The following PITPNM3 variants were observed in gnomAD, a reference collection of about 807,000 sequenced individuals.
PITPNM3 encodes the protein PITPNM family member 3.
PITPNM3 carries 26 observed loss-of-function variants against 102.0 expected under a neutral mutation model. The observed-to-expected ratio is 0.25, with a 90% CI of 0.19 to 0.35. The LOEUF (loss-of-function observed/expected upper bound fraction) is 0.35, where lower values mean the gene tolerates loss of function less well. Among genes scored for constraint, PITPNM3 ranks in the 10% least tolerant of loss-of-function variants. PITPNM3 has a pLI of 1.00. For synonymous variants in PITPNM3, 578 were observed against 558.6 expected (o/e 1.03, Z -0.49); for missense variants, 1,083 against 1,346.1 (o/e 0.80, Z 3.06).
chr17:6,523,634 T>C (rs958298005), intron 3 of PITPNM3, among the ~76,000 whole-genome samples: 1 of 152,224 alleles, frequency 6.6e-6, no homozygotes, highest in Admixed American at 6.5e-5. Context: ...TATTTGTCTT[T>C]TCAAGGCTAC....
rs1361924807 is a variant in PITPNM3 at position 6,452,133 on chromosome 17, AT to A, written c.*3204del. 7 of 152,140 alleles carry A rather than the reference AT, an allele frequency of 4.6e-5. No homozygotes were observed. The highest frequency in any genetic ancestry group is 1.4e-4 in the African/African-American group (6 of 41,400). The allele number at this position is 152,140 out of a possible 1,614,324, so 9.4% of individuals were successfully genotyped here. On this transcript the variant is annotated 3_prime_UTR_variant, in exon 20 of 20. Coordinates refer to ENST00000262483, the MANE Select transcript of PITPNM3 (RefSeq NM_031220.4). Reference sequence around the variant, plus strand: ...CTCTGGAATACTGGGATTCAAACACATTTGTTTGCTGTAGCCCAGCACCCAG... The same window carrying A: ...CTCTGGAATACTGGGATTCAAACACATTGTTTGCTGTAGCCCAGCACCCAG...
At chr17:6,520,488 G>A (rs1908445973) in intron 3 of PITPNM3, among the ~76,000 whole-genome samples, 1 of 152,204 alleles carries the variant, frequency 6.6e-6, no homozygotes, top group African/African-American at 2.4e-5. Context: ...AGCTCTCCAA[G>A]ATCTTCTGTT....
At chr17:6,496,486 ACCTCAGTGT>A (rs1906830625) in intron 4 of PITPNM3, among the ~76,000 whole-genome samples, 1 of 151,628 alleles carries the variant, frequency 6.6e-6, no homozygotes, top group Non-Finnish European at 1.5e-5. Flanking sequence ...TCCCACAGGA[ACCTCAGTGT>A]TCCTTCCTTC....
intron 3 of PITPNM3, among the ~76,000 whole-genome samples, chr17:6,522,217 G>C (rs1421494663): frequency 1.3e-5 from 2 of 151,818 alleles, no homozygotes; most frequent in African/African-American, 2.4e-5. Context: ...GAAAAGAGAG[G>C]TATGTGTGAC....
At position 6,518,422 on chromosome 17, in the gene PITPNM3, T is replaced by C. The variant is rs181907868; in HGVS notation, c.226+6934A>G. ...CCAAAAAAGCTTACTTTTATAAATT[T>C]TACCAAAAAAAGGTAATGGGTAAAA... On this transcript the variant is annotated intron_variant, in intron 3 of 19. Transcript: ENST00000262483. Among the ~76,000 whole-genome samples, 531 of 151,226 alleles carry C rather than the reference T, an allele frequency of 3.5e-3. 2 individuals are homozygous for C. Among genetic ancestry groups the C allele is most frequent in the African/African-American group, 0.012 (513 of 41,098 alleles).
At position 6,481,853 on chromosome 17, in the gene PITPNM3, T is replaced by TAGAGAGAG. The variant is rs369845541; in HGVS notation, c.587+1656_587+1663dup. ...TAGATAGATAAACAGAATAGAATGA[T>TAGAGAGAG]AGAGAGAGAGAGAGAGAGAGAGAGA... On this transcript the variant is annotated intron_variant, in intron 6 of 19. Transcript: ENST00000262483. 3.3e-3 allele frequency: 225 copies of TAGAGAGAG among 68,494 alleles called. 5 individuals carry two copies. Among genetic ancestry groups the TAGAGAGAG allele is most frequent in the African/African-American group, 5.1e-3 (98 of 19,150 alleles). The allele number at this position is 68,494 out of a possible 1,614,324, so 4.2% of individuals were successfully genotyped here. A position where few individuals can be genotyped will look rare whatever the true frequency, so the allele number is the denominator to read the frequency against.
intron 3 of PITPNM3, chr17:6,521,023 A>C (rs907694258): frequency 3.9e-5 from 6 of 152,330 alleles, no homozygotes; most frequent in African/African-American, 7.2e-5. Context: ...GCACAGTTTC[A>C]GTTGCAGAGA....
At chr17:6,482,297 T>C (rs1290443066) in intron 6 of PITPNM3, among the ~76,000 whole-genome samples, 1 of 151,898 alleles carries the variant, frequency 6.6e-6, no homozygotes, top group Non-Finnish European at 1.5e-5. Flanking sequence ...TCCAACCACA[T>C]ATCTATGTTG....
intron 3 of PITPNM3, among the ~76,000 whole-genome samples, chr17:6,524,240 C>T (rs888719398): frequency 2.0e-5 from 3 of 152,130 alleles, no homozygotes; most frequent in East Asian, 1.9e-4. Flanking sequence ...CTTGCCCACT[C>T]GGCAACTCTG....
At chr17:6,554,250 G>A (rs1345051009) in intron 1 of PITPNM3, among the ~76,000 whole-genome samples, 1 of 150,248 alleles carries the variant, frequency 6.7e-6, no homozygotes, top group Non-Finnish European at 1.5e-5. Flanking sequence ...AGCCCAGGAG[G>A]CGGAGGTTGC....
At chr17:6,528,184 C>G (rs1290304895) in intron 2 of PITPNM3, among the ~76,000 whole-genome samples, 1 of 152,184 alleles carries the variant, frequency 6.6e-6, no homozygotes, top group Non-Finnish European at 1.5e-5. Flanking sequence ...CTCCCAAGCT[C>G]TCCCATGCTG....
rs1461205713 is a variant in PITPNM3 at position 6,452,978 on chromosome 17, CTCTCTCTCTCTCTCTGTCTTCCTT to C, written c.*2336_*2359del. 12 of 120,466 alleles carry C rather than the reference CTCTCTCTCTCTCTCTGTCTTCCTT, an allele frequency of 1.0e-4. No individual in the cohort carries two copies. Among genetic ancestry groups the C allele is most frequent in the South Asian group, 2.9e-4 (1 of 3,398 alleles). The allele number at this position is 120,466 out of a possible 1,614,324, so 7.5% of individuals were successfully genotyped here. ...TCTCTTCCTCTCTCTCTCTCTCTTC[CTCTCTCTCTCTCTCTGTCTTCCTT>C]TCTCTCTCTCTCTCTCTCTCTGCCT... On this transcript the variant is annotated 3_prime_UTR_variant, in exon 20 of 20. Transcript: ENST00000262483.
rs1914075716 is a variant in PITPNM3 at position 6,455,715 on chromosome 17, G to GGA, written c.2620-73_2620-72insTC. 3.3e-5 allele frequency: 6 copies of GGA among 180,284 alleles called. 2 individuals are homozygous for GGA. Among genetic ancestry groups the GGA allele is most frequent in the Non-Finnish European group, 5.4e-5 (5 of 93,270 alleles). The allele number at this position is 180,284 out of a possible 1,614,324, so 11.2% of individuals were successfully genotyped here. On this transcript the variant is annotated intron_variant, in intron 19 of 19. Coordinates refer to ENST00000262483, the MANE Select transcript of PITPNM3 (RefSeq NM_031220.4). Reference sequence around the variant, plus strand: ...CGCAGGGGGAAGAAGGGAGGGGAGGGGGAAGAGGGGAGGGGAGGGGAGGGG... The same window carrying GGA: ...CGCAGGGGGAAGAAGGGAGGGGAGGGGAGGAAGAGGGGAGGGGAGGGGAGGGG...
rs563107153 is a variant in PITPNM3 at position 6,499,859 on chromosome 17, T to C, written c.274+3668A>G. Among the ~76,000 whole-genome samples the C allele has an allele frequency of 2.2e-3, 335 of 152,234 alleles. 1 individual carries two copies. The highest frequency in any genetic ancestry group is 4.2e-3 in the Admixed American group (64 of 15,284). ...GATTTTCCTGCCTCAGCCTCCCAAG[T>C]AGCTGGGATTACAGGCGCATGCCAC... On this transcript the variant is annotated intron_variant, in intron 4 of 19. Coordinates refer to ENST00000262483, the MANE Select transcript of PITPNM3 (RefSeq NM_031220.4).
At chr17:6,551,132 C>T (rs572204104) in intron 1 of PITPNM3, among the ~76,000 whole-genome samples, 2 of 151,786 alleles carry the variant, frequency 1.3e-5, no homozygotes, top group South Asian at 4.2e-4. Context: ...CCAAGGCAGG[C>T]GGATCACGAG....
intron 3 of PITPNM3, among the ~76,000 whole-genome samples, chr17:6,505,200 A>ATATATATATATATATATATATATATGTG (rs1567679821): frequency 7.5e-5 from 11 of 147,312 alleles, no homozygotes; most frequent in African/African-American, 2.6e-4. Context: ...AATAAAATAT[A>ATATATATATATATATATATATATATGTG]TATATATATA....
At chr17:6,505,192 TA>T (rs1180018155) in intron 3 of PITPNM3, among the ~76,000 whole-genome samples, 4 of 68,734 alleles carry the variant, frequency 5.8e-5, no homozygotes, top group African/African-American at 2.0e-4. Flanking sequence ...AGAAGACAAA[TA>T]AAATATATAT....
intron 4 of PITPNM3, among the ~76,000 whole-genome samples, chr17:6,500,856 A>G (rs1907126759): frequency 1.3e-5 from 2 of 152,084 alleles, no homozygotes; most frequent in Non-Finnish European, 2.9e-5. Context: ...TTGTATTTTT[A>G]GTAGAGACAG....
At chr17:6,520,829 T>A (rs963979708) in intron 3 of PITPNM3, among the ~76,000 whole-genome samples, 2 of 152,324 alleles carry the variant, frequency 1.3e-5, no homozygotes, top group Non-Finnish European at 2.9e-5. Context: ...TACTGATTCA[T>A]GTTGCAAGAT....
Sources: gnomAD v4.1 joint callset for allele counts (sites outside exome capture counted in the v4.1 genomes callset) on GRCh38, gnomAD v4.1.1 for gene constraint, MANE v1.5 for transcripts, NCBI Gene and HGNC (gene_info 2026-07-23, HGNC 2026-07-21) for gene names.